Variants in SEC23A observed in about 807,000 individuals in gnomAD.
The protein encoded by SEC23A is SEC23 homolog A, COPII component, also known as protein transport protein Sec23A.
Under a neutral mutation model 103.7 loss-of-function variants are expected in SEC23A, and 56 were observed. The ratio of observed to expected loss-of-function variants is 0.54; its 90% confidence interval spans 0.44 to 0.67. The LOEUF is 0.67. SEC23A is among the 30% of genes least tolerant of loss of function. SEC23A has a pLI of 0.00. For missense variants in SEC23A, 784 were observed against 936.4 expected, an observed-to-expected ratio of 0.84 and a Z score of 2.12; for synonymous variants, 281 against 293.0, an observed-to-expected ratio of 0.96 and a Z score of 0.42.
intron 13 of SEC23A, among the ~76,000 whole-genome samples, chr14:39,055,646 C>T (rs1270814064): frequency 1.3e-5 from 2 of 152,062 alleles, no homozygotes; most frequent in Admixed American, 1.3e-4. Flanking sequence ...GAGAAGGAAA[C>T]AAGCTTTAGG....
At chr14:39,057,917 T>C (rs1217486912) in intron 13 of SEC23A, among the ~76,000 whole-genome samples, 1 of 152,258 alleles carries the variant, frequency 6.6e-6, no homozygotes, top group African/African-American at 2.4e-5. Flanking sequence ...ATAATTAAAA[T>C]TACTTTGTAT....
chr14:39,041,141 C>G (rs896002085), intron 17 of SEC23A: 7 of 324,562 alleles, frequency 2.2e-5, no homozygotes, highest in African/African-American at 1.5e-4. Context: ...AAACACTATG[C>G]TTATCAAATG....
Position 39,061,872 on chromosome 14 carries a change from C to T in SEC23A, c.1399-1G>A. 1 of 1,604,368 alleles carries T rather than the reference C, an allele frequency of 6.2e-7. No individual in the cohort carries two copies. The highest frequency in any genetic ancestry group is 8.5e-7 in the Non-Finnish European group (1 of 1,171,132). On this transcript the variant is annotated splice_acceptor_variant, in intron 12 of 19. Coordinates refer to ENST00000307712, the MANE Select transcript of SEC23A (RefSeq NM_006364.4). LOFTEE classifies it high-confidence loss of function. ...CTCCTTGAGGAATTGGAGCATTATG[C>T]TGTATAAATATAATGGAGTAAAACC...
At position 39,032,697 on chromosome 14, in the gene SEC23A, T is replaced by C. The variant is rs1566475971; in HGVS notation, c.*542A>G. ...ATTATCATCATGAAAATTACCATTATAAAATCAAATAATTCCTAAACAAAT... is the reference window on the plus strand; with the variant it reads ...ATTATCATCATGAAAATTACCATTACAAAATCAAATAATTCCTAAACAAAT... On this transcript the variant is annotated 3_prime_UTR_variant, in exon 20 of 20. Transcript: ENST00000307712. 2.0e-5 allele frequency: 3 copies of C among 152,640 alleles called. No homozygotes were observed. The highest frequency in any genetic ancestry group is 3.8e-4 in the East Asian group (2 of 5,206). 9.5% of individuals were successfully genotyped at this position (152,640 alleles called of 1,614,324 possible). A position where few individuals can be genotyped will look rare whatever the true frequency, so the allele number is the denominator to read the frequency against.
chr14:39,068,149 A>T (rs1364694592), intron 9 of SEC23A, among the ~76,000 whole-genome samples: 1 of 152,158 alleles, frequency 6.6e-6, no homozygotes, highest in Non-Finnish European at 1.5e-5. Flanking sequence ...AATTAAAAAA[A>T]TTTTAATATT....
chr14:39,058,123 CTGTT>C (rs1203046764), intron 13 of SEC23A, among the ~76,000 whole-genome samples: 6 of 152,178 alleles, frequency 3.9e-5, no homozygotes, highest in Middle Eastern at 3.4e-3. Context: ...TACATTTTAT[CTGTT>C]TGTTTGTTTG....
intron 5 of SEC23A, chr14:39,091,134 G>A (rs1480045977): frequency 1.4e-5 from 5 of 364,016 alleles, no homozygotes; most frequent in Non-Finnish European, 5.0e-6. Flanking sequence ...TAAAAAAGCT[G>A]AACTCTTAAG....
At position 39,096,061 on chromosome 14, in the gene SEC23A, T is replaced by C. The variant is rs1887877702; in HGVS notation, c.58A>G (p.Ser20Gly). 6.2e-7 allele frequency: 1 copy of C among 1,613,988 alleles called. No individual in the cohort carries two copies. Among genetic ancestry groups the C allele is most frequent in the East Asian group, 2.2e-5 (1 of 44,880 alleles). Residue 20 changes from serine (S) to glycine (G), a missense_variant, in exon 2 of 20, where the codon AGT becomes GGT. Ser to Gly is a moderately conservative substitution (Grantham distance 56). This residue lies in a region of SEC23A where 683 missense variants were observed against 774.2 expected (regional missense o/e 0.88). Coordinates refer to ENST00000307712, the MANE Select transcript of SEC23A (RefSeq NM_006364.4). ...QNEERDGVRF[S>G]WNVWPSSRLE... is the part of the protein sequence containing the mutation. ...CGACTTGATGGCCAAACATTCCAAC[T>C]AAATCGGACTCCATCTCGTTCTTCA...
Position 39,059,300 on chromosome 14 carries a change from A to AAAC in SEC23A, c.1505+2464_1505+2465insGTT, listed in dbSNP as rs1886382001. Among the ~76,000 whole-genome samples, 104 of 100,888 alleles carry AAAC rather than the reference A, an allele frequency of 1.0e-3. 2 individuals carry two copies. Among genetic ancestry groups the AAAC allele is most frequent in the Non-Finnish European group, 1.3e-3 (65 of 48,420 alleles). 66.2% of individuals were successfully genotyped at this position (100,888 alleles called of 152,430 possible). On this transcript the variant is annotated intron_variant, in intron 13 of 19. Coordinates refer to ENST00000307712, the MANE Select transcript of SEC23A (RefSeq NM_006364.4). Reference sequence around the variant, plus strand: ...GTTTAAAAAAAAAAAAAAAAAAAAAAAAAAAAAAAACAACAAGGTGCTCTG... The same window carrying AAAC: ...GTTTAAAAAAAAAAAAAAAAAAAAAAAACAAAAAAAAAACAACAAGGTGCTCTG...
intron 9 of SEC23A, among the ~76,000 whole-genome samples, chr14:39,071,569 T>A (rs900403240): frequency 2.7e-5 from 4 of 150,274 alleles, no homozygotes; most frequent in African/African-American, 7.4e-5. Flanking sequence ...AATTAAAAAA[T>A]TTTTTAAAAT....
At chr14:39,094,373 TACAC>T (rs1160995370) in intron 2 of SEC23A, among the ~76,000 whole-genome samples, 1,629 of 19,372 alleles carry the variant, frequency 0.084, 245 homozygotes, top group Middle Eastern at 0.15. Flanking sequence ...CATATATATA[TACAC>T]ACACACACAC....
At chr14:39,088,252 T>C (rs1887517438) in intron 5 of SEC23A, 1 of 151,988 alleles carries the variant, frequency 6.6e-6, no homozygotes, top group African/African-American at 2.4e-5. Context: ...ATAAACATGT[T>C]TCAATGGAGA....
At chr14:39,054,185 G>GA (rs1201019571) in intron 14 of SEC23A, among the ~76,000 whole-genome samples, 1 of 151,650 alleles carries the variant, frequency 6.6e-6, no homozygotes. Context: ...TGAAGTGGGA[G>GA]AATCACTTGA....
At chr14:39,044,814 A>G (rs1885774289) in intron 16 of SEC23A, among the ~76,000 whole-genome samples, 1 of 152,244 alleles carries the variant, frequency 6.6e-6, no homozygotes, top group Non-Finnish European at 1.5e-5. Flanking sequence ...GGAATAAGCT[A>G]CAGTCTACAG....
chr14:39,039,011 G>C lies in SEC23A; in HGVS notation c.2208+20C>G, dbSNP rs770144585. 35 of 1,579,522 alleles carry C rather than the reference G, an allele frequency of 2.2e-5. No individual in the cohort carries two copies. The highest frequency in any genetic ancestry group is 2.6e-5 in the Non-Finnish European group (30 of 1,148,930). ...AAATACACAAAGAAATAATTTCCAAGACCTGCTATTTAAACTTACCTGCCC... is the reference window on the plus strand; with the variant it reads ...AAATACACAAAGAAATAATTTCCAACACCTGCTATTTAAACTTACCTGCCC... On this transcript the variant is annotated intron_variant, in intron 19 of 19. Transcript: ENST00000307712.
chr14:39,048,664 G>A lies in SEC23A; in HGVS notation c.1725C>T (p.Ser575=). The change falls in exon 15 of 20, where the codon TCC becomes TCT. Residue 575 remains serine, a synonymous_variant. Coordinates refer to ENST00000307712, the MANE Select transcript of SEC23A (RefSeq NM_006364.4). ...PSSFRFSETF[S]LYPQFMFHLR... is the part of the protein sequence containing the mutation. ...TTTACCTACTTACCTGTGGATAAAG[G>A]GAGAAAGTTTCTGAAAATCTGAAGG... is the stretch of plus-strand genomic sequence containing the variant. 6.3e-7 allele frequency: 1 copy of A among 1,595,294 alleles called. No homozygotes were observed. The highest frequency in any genetic ancestry group is 8.6e-7 in the Non-Finnish European group (1 of 1,163,080).
intron 14 of SEC23A, among the ~76,000 whole-genome samples, chr14:39,049,487 A>C (rs927590408): frequency 1.4e-5 from 2 of 141,102 alleles, no homozygotes; most frequent in African/African-American, 4.9e-5. Context: ...AAAAAAAAAA[A>C]AAATTTGAGC....
intron 19 of SEC23A, among the ~76,000 whole-genome samples, chr14:39,036,616 A>T (rs796578550): frequency 7.1e-4 from 108 of 152,252 alleles, no homozygotes; most frequent in African/African-American, 2.5e-3. Context: ...GCTTTTGCAG[A>T]AATAAGTGCC....
chr14:39,049,749 C>T (rs1294311337), intron 14 of SEC23A, among the ~76,000 whole-genome samples: 3 of 151,486 alleles, frequency 2.0e-5, no homozygotes, highest in Non-Finnish European at 2.9e-5. Flanking sequence ...CACTGCAAGC[C>T]GGCCTGGGAG....
Sources: allele counts gnomAD v4.1 joint callset (sites outside exome capture counted in the v4.1 genomes callset), GRCh38; gene constraint gnomAD v4.1.1; regional missense constraint gnomAD v4.1.1; transcripts MANE v1.5; gene names NCBI Gene and HGNC (gene_info 2026-07-23, HGNC 2026-07-21).